Variants in PDGFRL observed in about 807,000 individuals in gnomAD.
The protein encoded by PDGFRL is platelet-derived growth factor receptor-like protein.
A neutral mutation model predicts 37.2 loss-of-function variants in PDGFRL; 46 were observed. That is an observed-to-expected ratio of 1.24 (90% CI 0.98 to 1.58). PDGFRL has a LOEUF of 1.58. Ranked by LOEUF, PDGFRL falls within the 40% of genes most tolerant of loss-of-function variation. The probability of loss-of-function intolerance (pLI) is 0.00; values close to 1 mark genes in which losing one functional copy is unlikely to be tolerated. For synonymous variants in PDGFRL, 251 were observed against 184.3 expected, an observed-to-expected ratio of 1.36 and a Z score of -2.93; for missense variants, 692 against 467.6, an observed-to-expected ratio of 1.48 and a Z score of -4.43.
intron 2 of PDGFRL, among the ~76,000 whole-genome samples, chr8:17,598,278 G>T (rs2720479): frequency 0.12 from 18,636 of 152,186 alleles, 3,038 homozygotes; most frequent in African/African-American, 0.37. Flanking sequence ...GAACCCAGTT[G>T]CCTTATCTGG....
Position 17,643,049 on chromosome 8 carries a change from A to G in PDGFRL, c.*248A>G, listed in dbSNP as rs546990475. On this transcript the variant is annotated 3_prime_UTR_variant, in exon 6 of 6. Transcript: ENST00000251630. The stretch of plus-strand genomic sequence containing the variant: ...ACCTACATACGTGTTCCTAGTTTTT[A>G]TACATGTGTAAACAATTTTATATAA... 7 of 400,078 alleles carry G rather than the reference A, an allele frequency of 1.7e-5. No individual in the cohort carries two copies. In the South Asian group the frequency reaches 4.5e-4, roughly 26 times the overall value. The allele number at this position is 400,078 out of a possible 1,614,324, so 24.8% of individuals were successfully genotyped here. A position where few individuals can be genotyped will look rare whatever the true frequency, so the allele number is the denominator to read the frequency against.
At chr8:17,633,380 A>G (rs1317505304) in intron 4 of PDGFRL, among the ~76,000 whole-genome samples, 1 of 152,096 alleles carries the variant, frequency 6.6e-6, no homozygotes, top group Non-Finnish European at 1.5e-5. Flanking sequence ...GAGAGTTAAG[A>G]TTGCACCACT....
upstream of PDGFRL, chr8:17,576,989 T>C: frequency 1.9e-6 from 1 of 540,212 alleles, no homozygotes; most frequent in Middle Eastern, 5.1e-4. Flanking sequence ...GTAATGTACA[T>C]TTCACGCTTA....
At chr8:17,594,965 T>A (rs1804020661) in intron 2 of PDGFRL, among the ~76,000 whole-genome samples, 1 of 151,930 alleles carries the variant, frequency 6.6e-6, no homozygotes, top group South Asian at 2.1e-4. Context: ...TGCTTTTAAT[T>A]CTTTTGGATG....
intron 5 of PDGFRL, among the ~76,000 whole-genome samples, chr8:17,641,896 T>TCCCCGCACCCCCCCCCCC (rs1554556546): frequency 9.6e-6 from 1 of 103,888 alleles, no homozygotes; most frequent in African/African-American, 4.7e-5. Context: ...TCAATAGAGG[T>TCCCCGCACCCCCCCCCCC]CCCCGCCACA....
intron 1 of PDGFRL, among the ~76,000 whole-genome samples, chr8:17,585,086 C>T (rs1803787471): frequency 6.6e-6 from 1 of 152,124 alleles, no homozygotes; most frequent in Non-Finnish European, 1.5e-5. Flanking sequence ...CATTTGTAAA[C>T]ACTCATGGCG....
rs1804517617 is a variant in PDGFRL, at chr8:17,615,997, C to A, written c.354-5054C>A. On this transcript the variant is annotated intron_variant, in intron 2 of 5. Transcript: ENST00000251630. Reference sequence around the variant, plus strand: ...CTTGTTTACGGAGCTTGGCAGCGTGCCTGCACTCAACAAGCATTAGCTATC... The same window carrying A: ...CTTGTTTACGGAGCTTGGCAGCGTGACTGCACTCAACAAGCATTAGCTATC... Among the ~76,000 whole-genome samples the A allele has an allele frequency of 2.0e-5, 3 of 152,098 alleles. No individual in the cohort carries two copies. The South Asian group carries it at 6.2e-4, about 32-fold the overall frequency.
chr8:17,618,746 T>C lies in PDGFRL; in HGVS notation c.354-2305T>C, dbSNP rs143344973. Among the ~76,000 whole-genome samples the C allele has an allele frequency of 1.5e-3, 232 of 152,310 alleles. 1 individual carries two copies. Among genetic ancestry groups the C allele is most frequent in the Non-Finnish European group, 2.6e-3 (176 of 68,028 alleles). ...TCATGTTTAGGGAGTCCTTACTGCATACTCTGCACAGATTTGTTGCTTAGA... is the reference window on the plus strand; with the variant it reads ...TCATGTTTAGGGAGTCCTTACTGCACACTCTGCACAGATTTGTTGCTTAGA... On this transcript the variant is annotated intron_variant, in intron 2 of 5. Coordinates refer to ENST00000251630, the MANE Select transcript of PDGFRL (RefSeq NM_001372073.1).
intron 1 of PDGFRL, among the ~76,000 whole-genome samples, chr8:17,580,975 C>G (rs1585294743): frequency 6.7e-6 from 1 of 150,036 alleles, no homozygotes; most frequent in Non-Finnish European, 1.5e-5. Context: ...GTGTGTGTGT[C>G]TCCTCATAAG....
chr8:17,603,586 C>T lies in PDGFRL; in HGVS notation c.353+13821C>T, dbSNP rs117157657. Among the ~76,000 whole-genome samples the T allele has an allele frequency of 4.4e-3, 676 of 152,200 alleles. 3 individuals carry two copies. The highest frequency in any genetic ancestry group is 0.01 in the Middle Eastern group (3 of 294). On this transcript the variant is annotated intron_variant, in intron 2 of 5. Transcript: ENST00000251630. ...TCTGACAACAGTAGTTATCATTTGT[C>T]GAACACTCTGTTTCTTGACTCCTCT...
intron 2 of PDGFRL, among the ~76,000 whole-genome samples, chr8:17,620,435 G>T (rs1168370739): frequency 6.6e-6 from 1 of 152,054 alleles, no homozygotes; most frequent in Non-Finnish European, 1.5e-5. Flanking sequence ...AAAAGATACA[G>T]GGTGGCCATT....
intron 2 of PDGFRL, among the ~76,000 whole-genome samples, chr8:17,594,455 G>T (rs778861011): frequency 2.0e-5 from 3 of 152,076 alleles, no homozygotes; most frequent in East Asian, 3.9e-4. Context: ...TGGCCAGGCT[G>T]GTCTTGAATT....
At chr8:17,611,245 T>G (rs1804405786) in intron 2 of PDGFRL, among the ~76,000 whole-genome samples, 1 of 152,206 alleles carries the variant, frequency 6.6e-6, no homozygotes, top group Non-Finnish European at 1.5e-5. Context: ...AAAGTACTCT[T>G]GGCACTTGTA....
intron 2 of PDGFRL, among the ~76,000 whole-genome samples, chr8:17,598,392 C>T (rs1304194355): frequency 6.6e-6 from 1 of 152,166 alleles, no homozygotes; most frequent in Non-Finnish European, 1.5e-5. Context: ...CCCTTGAGGG[C>T]AAATAACACA....
At chr8:17,590,092 G>A (rs942346816) in intron 2 of PDGFRL, among the ~76,000 whole-genome samples, 4 of 151,498 alleles carry the variant, frequency 2.6e-5, no homozygotes, top group African/African-American at 9.7e-5. Flanking sequence ...TTAGCTGGGC[G>A]TGGTGGCAGG....
intron 5 of PDGFRL, among the ~76,000 whole-genome samples, chr8:17,638,004 C>T (rs1805006958): frequency 1.3e-5 from 2 of 152,058 alleles, no homozygotes; most frequent in African/African-American, 4.8e-5. Flanking sequence ...TTCAAAGAAT[C>T]AGCTTTTTGT....
chr8:17,638,378 C>T (rs1253512767), intron 5 of PDGFRL, among the ~76,000 whole-genome samples: 1 of 151,954 alleles, frequency 6.6e-6, no homozygotes, highest in Non-Finnish European at 1.5e-5. Context: ...GAATTGAGTT[C>T]CAATTTTATT....
At chr8:17,620,753 T>C (rs1424002943) in intron 2 of PDGFRL, among the ~76,000 whole-genome samples, 2 of 152,232 alleles carry the variant, frequency 1.3e-5, no homozygotes, top group African/African-American at 4.8e-5. Context: ...CTCATTGTAT[T>C]ACGCTGAAAA....
At chr8:17,619,909 C>T (rs1186377281) in intron 2 of PDGFRL, among the ~76,000 whole-genome samples, 1 of 152,180 alleles carries the variant, frequency 6.6e-6, no homozygotes, top group Non-Finnish European at 1.5e-5. Context: ...TTTATTATTT[C>T]CTTTGAGGAG....
Sources: gnomAD v4.1 joint callset for allele counts (sites outside exome capture counted in the v4.1 genomes callset) on GRCh38, gnomAD v4.1.1 for gene constraint, MANE v1.5 for transcripts, NCBI Gene and HGNC (gene_info 2026-07-23, HGNC 2026-07-21) for gene names.